DEUP1: variants seen among roughly 807,000 people sequenced by gnomAD.
DEUP1 encodes the protein coiled-coil domain containing 67.
DEUP1 carries 82 observed loss-of-function variants against 87.4 expected under a neutral mutation model. That is an observed-to-expected ratio of 0.94 (90% CI 0.78 to 1.13). The LOEUF (loss-of-function observed/expected upper bound fraction) is 1.13, where lower values mean the gene tolerates loss of function less well. Ranked by LOEUF, DEUP1 falls within the 50% of genes most tolerant of loss-of-function variation. The pLI is 0.00. For synonymous variants in DEUP1, 214 were observed against 222.7 expected (o/e 0.96, Z 0.35); for missense variants, 663 against 681.5 (o/e 0.97, Z 0.30).
At chr11:93,330,650 AGGCGGCGGGAGCGC>A (rs1017841190), upstream of DEUP1, 2 of 152,898 alleles carry the variant, frequency 1.3e-5, no homozygotes, top group Non-Finnish European at 2.9e-5. Flanking sequence ...GGGAGGGCCC[AGGCGGCGGGAGCGC>A]GGCGGCGGGT....
intron 7 of DEUP1, among the ~76,000 whole-genome samples, chr11:93,376,637 G>A (rs192840066): frequency 6.6e-6 from 1 of 151,936 alleles, no homozygotes; most frequent in East Asian, 1.9e-4. Flanking sequence ...TCTGATCTTT[G>A]TTATTTATTT....
At chr11:93,395,559 G>A (rs1020982190) in intron 10 of DEUP1, among the ~76,000 whole-genome samples, 3 of 152,114 alleles carry the variant, frequency 2.0e-5, no homozygotes, top group African/African-American at 7.2e-5. Context: ...CAGTGATCTG[G>A]CTAGTTGGAT....
In DEUP1 at chr11:93,336,166, G is replaced by A. The variant is rs189797786; in HGVS notation, c.29+3878G>A. ...AAAACAAATAGGAAGCATAGCTGGG[G>A]AGACCTCAGGAAACTTACAATCATG... On this transcript the variant is annotated intron_variant, in intron 2 of 13. Coordinates refer to ENST00000298050, the MANE Select transcript of DEUP1 (RefSeq NM_181645.4). Among the ~76,000 whole-genome samples the A allele has an allele frequency of 2.9e-3, 440 of 152,182 alleles. 6 individuals carry two copies. The highest frequency in any genetic ancestry group is 1.5e-3 in the Non-Finnish European group (104 of 67,984).
At chr11:93,356,561 A>G (rs1237626031) in intron 3 of DEUP1, among the ~76,000 whole-genome samples, 1 of 152,210 alleles carries the variant, frequency 6.6e-6, no homozygotes, top group Non-Finnish European at 1.5e-5. Context: ...ATTATTTCAT[A>G]ATACCACTAA....
At chr11:93,385,675 T>C (rs1591198370) in intron 8 of DEUP1, 132 bp downstream of exon 8, 1 of 550,504 alleles carries the variant, frequency 1.8e-6, no homozygotes, top group Non-Finnish European at 2.9e-6. Context: ...TGGGTAATAT[T>C]AAATATTAAA....
intron 13 of DEUP1, among the ~76,000 whole-genome samples, chr11:93,417,723 G>A (rs867909491): frequency 0.01 from 1,532 of 148,536 alleles, 12 homozygotes; most frequent in South Asian, 0.08. Context: ...TCATCGCCAA[G>A]TCAATCCTAA....
chr11:93,350,525 A>G (rs1044648805), intron 2 of DEUP1, among the ~76,000 whole-genome samples: 5 of 152,198 alleles, frequency 3.3e-5, no homozygotes, highest in African/African-American at 7.2e-5. Context: ...AGTGATATTG[A>G]AAAACAGGTC....
At chr11:93,342,943 T>C (rs1300871468) in intron 2 of DEUP1, among the ~76,000 whole-genome samples, 1 of 152,190 alleles carries the variant, frequency 6.6e-6, no homozygotes, top group African/African-American at 2.4e-5. Context: ...AGAGATGGAA[T>C]GGACTGGAGT....
At chr11:93,362,886 A>T (rs1253386974) in intron 4 of DEUP1, among the ~76,000 whole-genome samples, 1 of 151,908 alleles carries the variant, frequency 6.6e-6, no homozygotes, top group African/African-American at 2.4e-5. Context: ...TAGGTGAATT[A>T]TATCTCAATT....
At chr11:93,415,384 C>T (rs1177550366) in intron 13 of DEUP1, among the ~76,000 whole-genome samples, 5 of 151,978 alleles carry the variant, frequency 3.3e-5, no homozygotes, top group Non-Finnish European at 2.9e-5. Flanking sequence ...AAAAAAAATG[C>T]GAGTGCTTGG....
At chr11:93,395,939 A>G (rs1056955923) in intron 10 of DEUP1, among the ~76,000 whole-genome samples, 2 of 152,192 alleles carry the variant, frequency 1.3e-5, no homozygotes, top group African/African-American at 2.4e-5. Context: ...TTCTGGTGAC[A>G]ATTTGCATAC....
chr11:93,345,888 T>C (rs898281808), intron 2 of DEUP1, among the ~76,000 whole-genome samples: 5 of 152,220 alleles, frequency 3.3e-5, no homozygotes, highest in Admixed American at 2.6e-4. Flanking sequence ...TTTTTGCTTT[T>C]GTTGCTATTG....
intron 11 of DEUP1, 84 bp downstream of exon 11, chr11:93,396,409 C>T: frequency 1.2e-6 from 1 of 824,742 alleles, no homozygotes; most frequent in Non-Finnish European, 1.9e-6. Context: ...TTATTGAGCA[C>T]TTGCTGTGTG....
At chr11:93,435,715 C>A (rs535805331) in intron 13 of DEUP1, among the ~76,000 whole-genome samples, 2 of 152,210 alleles carry the variant, frequency 1.3e-5, no homozygotes, top group South Asian at 4.1e-4. Context: ...ATAATTTTTT[C>A]ACCAGGCATG....
At chr11:93,337,921 C>G (rs576425652) in intron 2 of DEUP1, among the ~76,000 whole-genome samples, 10 of 152,044 alleles carry the variant, frequency 6.6e-5, no homozygotes, top group African/African-American at 2.4e-4. Context: ...TCTTAAAAAT[C>G]TGATATGTGT....
intron 11 of DEUP1, among the ~76,000 whole-genome samples, chr11:93,406,400 T>C (rs539260361): frequency 1.3e-5 from 2 of 151,974 alleles, no homozygotes; most frequent in Admixed American, 1.3e-4. Flanking sequence ...GATATTTTCA[T>C]CAATATGTGA....
chr11:93,363,598 G>A (rs1945280067), intron 4 of DEUP1, among the ~76,000 whole-genome samples: 1 of 151,656 alleles, frequency 6.6e-6, no homozygotes, highest in African/African-American at 2.4e-5. Flanking sequence ...TTATTTGAAG[G>A]TAGAACAGGA....
intron 9 of DEUP1, among the ~76,000 whole-genome samples, chr11:93,392,037 G>C (rs1946780194): frequency 6.6e-6 from 1 of 152,120 alleles, no homozygotes; most frequent in Non-Finnish European, 1.5e-5. Context: ...GAATATGCTG[G>C]TAATATGAAT....
At chr11:93,356,165 T>C (rs1367153498) in intron 3 of DEUP1, among the ~76,000 whole-genome samples, 3 of 152,358 alleles carry the variant, frequency 2.0e-5, no homozygotes, top group Non-Finnish European at 4.4e-5. Context: ...AGTTTTTCTT[T>C]TGGGAAAAGA....
Sources: gnomAD v4.1 joint callset for allele counts (sites outside exome capture counted in the v4.1 genomes callset) on GRCh38, gnomAD v4.1.1 for gene constraint, MANE v1.5 for transcripts, NCBI Gene and HGNC (gene_info 2026-07-23, HGNC 2026-07-21) for gene names.